THPO: variants seen among roughly 807,000 people sequenced by gnomAD.
THPO encodes the protein MPL ligand.
THPO carries 12 observed loss-of-function variants against 17.0 expected under a neutral mutation model. The observed-to-expected ratio is 0.71, with a 90% CI of 0.45 to 1.14. THPO has a LOEUF of 1.14. THPO is among the 50% of genes most tolerant of loss of function. The pLI is 0.00. For missense variants in THPO, 365 were observed against 427.5 expected (o/e 0.85, Z 1.29); for synonymous variants, 188 against 183.0 (o/e 1.03, Z -0.22).
upstream of THPO, chr3:184,378,363 T>C (rs909007840): frequency 2.7e-5 from 27 of 985,542 alleles, no homozygotes; most frequent in South Asian, 2.8e-4. Flanking sequence ...TTCCTGGACA[T>C]GGGCAACCTG....
Position 184,372,376 on chromosome 3 carries a change from G to T in THPO, c.*137C>A. On this transcript the variant is annotated 3_prime_UTR_variant, in exon 6 of 6. Transcript: ENST00000647395. ...ACAGTGAAAAATGATTCCCTTTTCA[G>T]TCCTGTGTATCCCTTTTACCAGGGC... The T allele has an allele frequency of 3.8e-6, 4 of 1,049,148 alleles. No individual in the cohort carries two copies. The highest frequency in any genetic ancestry group is 5.9e-6 in the Non-Finnish European group (4 of 679,626). 65.0% of individuals were successfully genotyped at this position (1,049,148 alleles called of 1,614,324 possible).
rs546276063 is a variant in THPO at position 184,373,430 on chromosome 3, G to A, written c.381C>T (p.Ser127=). ...QVRLLLGALQ[S]LLGTQLPPQG... ...GGGGACTTACCTGGGTTCCAAGGAG[G>A]CTCTGCAGGGCCCCAAGGAGGAGAC... is the stretch of plus-strand genomic sequence containing the variant. Residue 127 remains serine (S), a synonymous_variant, in exon 5 of 6, where the codon AGC becomes AGT. Transcript: ENST00000647395. 6.2e-7 allele frequency: 1 copy of A among 1,613,938 alleles called. No homozygotes were observed. The highest frequency in any genetic ancestry group is 1.7e-5 in the Admixed American group (1 of 59,990).
chr3:184,376,083 C>T (rs1296802810), intron 2 of THPO, 68 bp from the exon 3 acceptor site: 1 of 1,613,254 alleles, frequency 6.2e-7, no homozygotes, highest in Admixed American at 1.7e-5. Context: ...TCCAGGAATT[C>T]CCATTCAGGA....
chr3:184,378,747 T>G (rs1381373231), upstream of THPO: 4 of 967,450 alleles, frequency 4.1e-6, no homozygotes, highest in Non-Finnish European at 4.9e-6. Context: ...TGCACTGGGT[T>G]AAGCCTGAGC....
upstream of THPO, among the ~76,000 whole-genome samples, chr3:184,379,573 G>A (rs989282763): frequency 2.6e-5 from 4 of 152,116 alleles, no homozygotes; most frequent in Non-Finnish European, 5.9e-5. Context: ...CCAGGCAGGG[G>A]GAGATCGGCT....
At chr3:184,378,689 C>T (rs965421785), upstream of THPO, 63 of 605,218 alleles carry the variant, frequency 1.0e-4, no homozygotes, top group Admixed American at 2.5e-4. Context: ...AGGGTTTGGA[C>T]GGGTTGAGTG....
chr3:184,374,279 A>G (rs1390183839), intron 4 of THPO, among the ~76,000 whole-genome samples: 4 of 152,192 alleles, frequency 2.6e-5, no homozygotes, highest in Admixed American at 6.5e-5. Flanking sequence ...TACCATAATG[A>G]TCATAAGGAT....
At position 184,372,202 on chromosome 3, in the gene THPO, A is replaced by G; in HGVS notation, c.*311T>C. 1 of 335,208 alleles carries G rather than the reference A, an allele frequency of 3.0e-6. No individual in the cohort carries two copies. Among genetic ancestry groups the G allele is most frequent in the East Asian group, 5.6e-5 (1 of 17,864 alleles). 20.8% of individuals were successfully genotyped at this position (335,208 alleles called of 1,614,324 possible). A position where few individuals can be genotyped will look rare whatever the true frequency, so the allele number is the denominator to read the frequency against. ...TCTCCCTCTGTTCAACTGCCAGGCC[A>G]GCCCAGGCCTTTGCAGAGTTATCAC... is the stretch of plus-strand genomic sequence containing the variant. On this transcript the variant is annotated 3_prime_UTR_variant, in exon 6 of 6. Coordinates refer to ENST00000647395, the MANE Select transcript of THPO (RefSeq NM_000460.4).
intron 4 of THPO, among the ~76,000 whole-genome samples, chr3:184,374,978 G>A (rs190368753): frequency 1.3e-5 from 2 of 152,248 alleles, no homozygotes; most frequent in African/African-American, 4.8e-5. Flanking sequence ...AGTAGAGACG[G>A]GGTTTCGCCA....
At position 184,375,572 on chromosome 3, in the gene THPO, A is replaced by C. The variant is rs746428538; in HGVS notation, c.171T>G (p.Pro57=). 2 of 1,614,038 alleles carry C rather than the reference A, an allele frequency of 1.2e-6. No homozygotes were observed. The highest frequency in any genetic ancestry group is 2.7e-5 in the African/African-American group (2 of 74,934). Residue 57 remains proline, a synonymous_variant, in exon 4 of 6, where the codon CCT becomes CCG. Coordinates refer to ENST00000647395, the MANE Select transcript of THPO (RefSeq NM_000460.4). ...LSQCPEVHPL[P]TPVLLPAVDF... ...CCACAGCAGGCAGCAGGACAGGTGT[A>C]GGCAAAGGGTGAACCTCTGGGCACT...
At chr3:184,373,316 C>T in intron 5 of THPO, 99 bp downstream of exon 5, 1 of 1,564,154 alleles carries the variant, frequency 6.4e-7, no homozygotes, top group Non-Finnish European at 8.8e-7. Context: ...AGCTCTTCTG[C>T]CCTTGAGCTC....
At chr3:184,376,504 C>T in intron 1 of THPO, 100 bp from the exon 2 acceptor site, 1 of 1,261,094 alleles carries the variant, frequency 7.9e-7, no homozygotes, top group South Asian at 1.6e-5. Context: ...TGCTGACCAG[C>T]CTGGAACTGC....
chr3:184,373,423 C>T lies in THPO; in HGVS notation c.388G>A (p.Gly130Arg). 6.2e-7 allele frequency: 1 copy of T among 1,613,982 alleles called. No individual in the cohort carries two copies. The highest frequency in any genetic ancestry group is 8.5e-7 in the Non-Finnish European group (1 of 1,179,986). Reference protein sequence around the residue: ...LLLGALQSLLGTQLPPQGRTT... With the variant: ...LLLGALQSLLRTQLPPQGRTT... ...CTTGACTGGGGACTTACCTGGGTTC[C>T]AAGGAGGCTCTGCAGGGCCCCAAGG... The change falls in exon 5 of 6, where the codon GGA becomes AGA. Residue 130 changes from glycine to arginine, a missense_variant. Gly to Arg is a moderately radical substitution (Grantham distance 125). Transcript: ENST00000647395.
chr3:184,379,277 T>C (rs1714773061), upstream of THPO, among the ~76,000 whole-genome samples: 1 of 151,644 alleles, frequency 6.6e-6, no homozygotes, highest in African/African-American at 2.4e-5. Flanking sequence ...GAGGCAGGCA[T>C]GACCAGGGAA....
rs1168060886 is a variant in THPO at position 184,373,565 on chromosome 3, C to T, written c.246G>A (p.Gln82=). Residue 82 remains glutamine, a synonymous_variant, in exon 5 of 6, where the codon CAG becomes CAA. Coordinates refer to ENST00000647395, the MANE Select transcript of THPO (RefSeq NM_000460.4). ...GAAGGGTCACTGCTCCCAGAATGTC[C>T]TGTGCCTTGGTCTCCTCCTGAGAAA... ...WKTQMEETKA[Q]DILGAVTLLL... is the part of the protein sequence containing the mutation. The T allele has an allele frequency of 5.8e-5, 93 of 1,614,008 alleles. No individual in the cohort carries two copies. Among genetic ancestry groups the T allele is most frequent in the Non-Finnish European group, 7.5e-5 (89 of 1,180,044 alleles).
intron 4 of THPO, 30 bp from the exon 5 acceptor site, chr3:184,373,612 C>T: frequency 1.2e-6 from 2 of 1,612,728 alleles, no homozygotes; most frequent in Non-Finnish European, 1.7e-6. Flanking sequence ...GAGAAGCGCA[C>T]TGCCTCAAAG....
upstream of THPO, among the ~76,000 whole-genome samples, chr3:184,379,113 T>A (rs1714745412): frequency 6.6e-6 from 1 of 152,020 alleles, no homozygotes; most frequent in Admixed American, 6.6e-5. Context: ...CTGTTCCTCC[T>A]CCCCAAGGAT....
At chr3:184,378,616 G>A (rs1714662010), upstream of THPO, among the ~76,000 whole-genome samples, 1 of 151,882 alleles carries the variant, frequency 6.6e-6, no homozygotes, top group Non-Finnish European at 1.5e-5. Flanking sequence ...CCCTTTCGAA[G>A]TGGGAACACG....
chr3:184,375,531 T>C lies in THPO; in HGVS notation c.212A>G (p.Glu71Gly). ...CTTTCTTACCATCTGGGTTTTCCAT[T>C]CTCCCAAGCTAAAGTCCACAGCAGG... is the stretch of plus-strand genomic sequence containing the variant. ...LLPAVDFSLG[E>G]WKTQMEETKA... Residue 71 changes from glutamate (E) to glycine (G), a missense_variant, in exon 4 of 6, where the codon GAA becomes GGA. Physicochemically the swap from Glu to Gly is moderately conservative, Grantham distance 98 (BLOSUM62 -2). Coordinates refer to ENST00000647395, the MANE Select transcript of THPO (RefSeq NM_000460.4). The C allele has an allele frequency of 6.2e-7, 1 of 1,614,102 alleles. No homozygotes were observed.
Sources: gnomAD v4.1 joint callset for allele counts (sites outside exome capture counted in the v4.1 genomes callset) on GRCh38, gnomAD v4.1.1 for gene constraint, MANE v1.5 for transcripts, NCBI Gene and HGNC (gene_info 2026-07-23, HGNC 2026-07-21) for gene names.